Variants in EDEM2 observed in about 807,000 individuals in gnomAD.
The protein encoded by EDEM2 is ER degradation enhancing alpha-mannosidase like protein 2.
A neutral mutation model predicts 64.8 loss-of-function variants in EDEM2; 39 were observed. The observed-to-expected ratio is 0.60, with a 90% CI of 0.47 to 0.79. The LOEUF (loss-of-function observed/expected upper bound fraction) is 0.79, where lower values mean the gene tolerates loss of function less well. EDEM2 is among the 30% of genes least tolerant of loss of function. The pLI, the probability that EDEM2 is intolerant of heterozygous loss-of-function variation, is 0.00. For synonymous variants in EDEM2, 296 were observed against 291.5 expected (o/e 1.02, Z -0.16); for missense variants, 609 against 731.3 (o/e 0.83, Z 1.93).
intron 8 of EDEM2, 147 bp downstream of exon 8, chr20:35,126,104 A>C: frequency 9.5e-7 from 1 of 1,051,554 alleles, no homozygotes; most frequent in Non-Finnish European, 1.3e-6. Context: ...TATCTAATTC[A>C]CTCTAGGTCT....
At chr20:35,126,989 C>T (rs1027200477) in intron 7 of EDEM2, among the ~76,000 whole-genome samples, 6 of 152,164 alleles carry the variant, frequency 3.9e-5, no homozygotes, top group African/African-American at 1.2e-4. Flanking sequence ...TTGTAGCTCC[C>T]ATATTTCTCA....
intron 4 of EDEM2, among the ~76,000 whole-genome samples, chr20:35,139,792 T>C (rs1172046142): frequency 6.6e-6 from 1 of 151,998 alleles, no homozygotes; most frequent in Non-Finnish European, 1.5e-5. Context: ...TGCTGGGTGA[T>C]GGGCACGTCT....
rs984200441 is a variant in EDEM2, at chr20:35,127,890, G to C, written c.845-1515C>G. ...AGGTGAAAAATCACCACAGCCTAAA[G>C]ATATCACAGCTGTTGTAATTTTATA... On this transcript the variant is annotated intron_variant, in intron 7 of 10. Transcript: ENST00000374492. 6.6e-5 allele frequency among the ~76,000 whole-genome samples: 10 copies of C among 152,180 alleles called. No homozygotes were observed. In the South Asian group the frequency reaches 2.1e-3, roughly 31 times the overall value.
intron 10 of EDEM2, 67 bp downstream of exon 10, chr20:35,118,531 C>A: frequency 3.1e-6 from 5 of 1,607,978 alleles, no homozygotes; most frequent in Non-Finnish European, 4.2e-6. Context: ...AAAGCTCTAC[C>A]CTTAAAGAGG....
chr20:35,141,119 C>CA (rs58702725), intron 4 of EDEM2, among the ~76,000 whole-genome samples: 12,281 of 29,224 alleles, frequency 0.42, 3,696 homozygotes, highest in African/African-American at 0.52. Context: ...GACTCCGCCT[C>CA]AAAAAAAAAA....
chr20:35,120,158 G>A (rs1262424138), intron 9 of EDEM2, among the ~76,000 whole-genome samples: 1 of 152,178 alleles, frequency 6.6e-6, no homozygotes, highest in Non-Finnish European at 1.5e-5. Context: ...TGCCTCCTGG[G>A]TTCAAGGGAT....
rs1298375988 is a variant in EDEM2 at position 35,147,303 on chromosome 20, G to A, written c.-45C>T. The A allele has an allele frequency of 2.1e-6, 3 of 1,454,224 alleles. No individual in the cohort carries two copies. The highest frequency in any genetic ancestry group is 2.7e-6 in the Non-Finnish European group (3 of 1,098,996). 90.1% of individuals were successfully genotyped at this position (1,454,224 alleles called of 1,614,324 possible). Reference sequence around the variant, plus strand: ...CGCCCCCGCAGCAGCAGCAGCCACTGCAACCAGTTCATCCTGGGAGCTGCT... The same window carrying A: ...CGCCCCCGCAGCAGCAGCAGCCACTACAACCAGTTCATCCTGGGAGCTGCT... On this transcript the variant is annotated 5_prime_UTR_variant, in exon 1 of 11. An upstream open reading frame in the 5' UTR gains an earlier in-frame stop. Transcript: ENST00000374492.
At position 35,118,360 on chromosome 20, in the gene EDEM2, G is replaced by T. The variant is rs1600699586; in HGVS notation, c.1236+238C>A. ...ACTGTGGGAGGAATGCCAAGGGCCG[G>T]GGTCAAGATCCCAAGGAACTAATTC... On this transcript the variant is annotated intron_variant, in intron 10 of 10. Transcript: ENST00000374492. 9.8e-6 allele frequency: 5 copies of T among 510,688 alleles called. No homozygotes were observed. The East Asian group carries it at 2.1e-4, about 21-fold the overall frequency. The allele number at this position is 510,688 out of a possible 1,614,324, so 31.6% of individuals were successfully genotyped here.
intron 10 of EDEM2, among the ~76,000 whole-genome samples, chr20:35,116,682 T>C (rs1467409680): frequency 6.6e-6 from 1 of 152,224 alleles, no homozygotes; most frequent in Non-Finnish European, 1.5e-5. Flanking sequence ...TTTGTGACTA[T>C]AAACATAGAG....
intron 3 of EDEM2, among the ~76,000 whole-genome samples, chr20:35,143,345 CTCTT>C (rs1362815196): frequency 1.3e-5 from 2 of 152,220 alleles, no homozygotes; most frequent in African/African-American, 4.8e-5. Flanking sequence ...TTTAGTCTCT[CTCTT>C]TCTGCCTTGA....
intron 8 of EDEM2, 110 bp downstream of exon 8, chr20:35,126,141 A>G: frequency 7.1e-7 from 1 of 1,414,928 alleles, no homozygotes; most frequent in Non-Finnish European, 9.4e-7. Flanking sequence ...CTGTCCCTCC[A>G]AAAAAAGTAC....
At chr20:35,135,891 C>T (rs1334882006) in intron 5 of EDEM2, among the ~76,000 whole-genome samples, 4 of 152,174 alleles carry the variant, frequency 2.6e-5, no homozygotes, top group Admixed American at 6.5e-5. Flanking sequence ...AACGCCTCCC[C>T]TGTGCCCACC....
At chr20:35,146,420 G>T (rs954908471) in intron 2 of EDEM2, among the ~76,000 whole-genome samples, 2 of 152,078 alleles carry the variant, frequency 1.3e-5, no homozygotes, top group Non-Finnish European at 2.9e-5. Flanking sequence ...CAGGCACGGG[G>T]CACACCAACT....
At chr20:35,135,068 A>G (rs750036238) in intron 5 of EDEM2, 119 bp from the exon 6 acceptor site, 6 of 996,048 alleles carry the variant, frequency 6.0e-6, no homozygotes, top group African/African-American at 1.6e-5. Context: ...GTATCCTGCT[A>G]GAGTCTGAGC....
chr20:35,133,402 C>A (rs1258132389), intron 6 of EDEM2, among the ~76,000 whole-genome samples: 1 of 151,826 alleles, frequency 6.6e-6, no homozygotes, highest in Non-Finnish European at 1.5e-5. Context: ...CTACTACGGT[C>A]CCACTGCTGG....
chr20:35,131,519 T>C, intron 7 of EDEM2, 123 bp downstream of exon 7: 2 of 1,225,706 alleles, frequency 1.6e-6, no homozygotes, highest in South Asian at 1.4e-5. Flanking sequence ...TGAGCCTAGA[T>C]TGTGCCACTG....
Position 35,142,462 on chromosome 20 carries a change from G to A in EDEM2, c.275C>T (p.Ser92Leu). 1 of 1,613,572 alleles carries A rather than the reference G, an allele frequency of 6.2e-7. No individual in the cohort carries two copies. The highest frequency in any genetic ancestry group is 1.1e-5 in the South Asian group (1 of 91,050). The change falls in exon 4 of 11, where the codon TCA becomes TTA. Residue 92 changes from serine (S) to leucine (L), a missense_variant. Ser to Leu is a moderately radical substitution (Grantham distance 145, BLOSUM62 -2). Transcript: ENST00000374492. ...CACTTCAACCACTCTTTGGAATTCT[G>A]AGACATTCCCCAAAATCTGGAAATA... is the stretch of plus-strand genomic sequence containing the variant. Reference protein sequence around the residue: ...LDTLLILGNVSEFQRVVEVLQ... With the variant: ...LDTLLILGNVLEFQRVVEVLQ...
At chr20:35,138,694 C>G (rs949984803) in intron 4 of EDEM2, among the ~76,000 whole-genome samples, 2 of 151,858 alleles carry the variant, frequency 1.3e-5, no homozygotes, top group African/African-American at 4.8e-5. Context: ...GTTCTCCTGC[C>G]TCAGCCTCCC....
At chr20:35,132,780 C>T (rs139191509) in intron 6 of EDEM2, among the ~76,000 whole-genome samples, 4 of 152,146 alleles carry the variant, frequency 2.6e-5, no homozygotes, top group South Asian at 2.1e-4. Context: ...TCAGGTGATA[C>T]GCCTGCCTTG....
Sources: gnomAD v4.1 joint callset for allele counts (sites outside exome capture counted in the v4.1 genomes callset) on GRCh38, gnomAD v4.1.1 for gene constraint, MANE v1.5 for transcripts, NCBI Gene and HGNC (gene_info 2026-07-23, HGNC 2026-07-21) for gene names.